Variants in DENND5A observed in about 807,000 individuals in gnomAD.
DENND5A encodes DENN domain-containing protein 5A.
In DENND5A, 64 loss-of-function variants were observed where a neutral mutation model predicts 140.3. The ratio of observed to expected loss-of-function variants is 0.46; its 90% CI spans 0.37 to 0.56. The LOEUF is 0.56. Ranked by LOEUF, DENND5A falls within the 20% of genes least tolerant of loss-of-function variation. The pLI, the probability that DENND5A is intolerant of heterozygous loss-of-function variation, is 0.00. For missense variants in DENND5A, 1,292 were observed against 1,593.8 expected (o/e 0.81, Z 3.22); for synonymous variants, 605 against 607.7 (o/e 1.00, Z 0.07).
Position 9,142,830 on chromosome 11 carries a change from G to C in DENND5A, c.3403C>G (p.Leu1135Val), listed in dbSNP as rs1590201898. The C allele has an allele frequency of 5.0e-6, 8 of 1,614,162 alleles. No homozygotes were observed. In the East Asian group the frequency reaches 1.8e-4, roughly 36 times the overall value. The change falls in exon 21 of 23, where the codon CTG (leucine) becomes GTG (valine). Residue 1135 changes from leucine to valine, a missense_variant. Physicochemically the swap from Leu to Val is conservative, Grantham distance 32. Coordinates refer to ENST00000328194, the MANE Select transcript of DENND5A (RefSeq NM_015213.4). ...KPEKERGSLT[L>V]LLCGECGLVS... ...AGGCCACACTCTCCACAGAGCAACA[G>C]CGTCAGACTGCCTCGCTACGTAAGG...
chr11:9,232,895 C>A (rs193039171), intron 1 of DENND5A, among the ~76,000 whole-genome samples: 1 of 152,134 alleles, frequency 6.6e-6, no homozygotes, highest in Non-Finnish European at 1.5e-5. Flanking sequence ...GCAGTGAGAA[C>A]GACCAACCTA....
chr11:9,149,839 C>T (rs1008911898), intron 15 of DENND5A, among the ~76,000 whole-genome samples: 1 of 152,202 alleles, frequency 6.6e-6, no homozygotes, highest in Non-Finnish European at 1.5e-5. Flanking sequence ...CTTCCCACTA[C>T]CTCTCCAAGA....
In DENND5A at chr11:9,147,537, A is replaced by C. The variant is rs368347939; in HGVS notation, c.2736-386T>G. 6.0e-4 allele frequency among the ~76,000 whole-genome samples: 92 copies of C among 152,236 alleles called. No individual in the cohort carries two copies. The South Asian group carries it at 0.017, about 29-fold the overall frequency. On this transcript the variant is annotated intron_variant, in intron 15 of 22. Transcript: ENST00000328194. ...TATGGTGTGTGAGTGGCAGTGGATGAAGGTCTGTGGTCACCATTCATCACC... is the reference window on the plus strand; with the variant it reads ...TATGGTGTGTGAGTGGCAGTGGATGCAGGTCTGTGGTCACCATTCATCACC...
At chr11:9,227,036 C>T (rs573574395) in intron 1 of DENND5A, among the ~76,000 whole-genome samples, 13 of 151,916 alleles carry the variant, frequency 8.6e-5, no homozygotes, top group Admixed American at 7.2e-4. Flanking sequence ...GGCATGGTAG[C>T]ACATGCCTGT....
chr11:9,139,805 T>C lies in DENND5A; in HGVS notation c.3730A>G (p.Thr1244Ala). 2 of 1,613,974 alleles carry C rather than the reference T, an allele frequency of 1.2e-6. No homozygotes were observed. Among genetic ancestry groups the C allele is most frequent in the Non-Finnish European group, 8.5e-7 (1 of 1,179,988 alleles). Residue 1244 changes from threonine to alanine, a missense_variant, in exon 23 of 23, where the codon ACT (threonine) becomes GCT (alanine). Thr to Ala is a moderately conservative substitution (Grantham distance 58). Coordinates refer to ENST00000328194, the MANE Select transcript of DENND5A (RefSeq NM_015213.4). ...GCCACATCCTCATACATGTGTGCAG[T>C]GATGGGGCAGTCAGCCAGCAGGGCA... Reference protein sequence around the residue: ...WIALLADCPITAHMYEDVALI... With the variant: ...WIALLADCPIAAHMYEDVALI...
At chr11:9,142,931 GT>G in intron 20 of DENND5A, 86 bp from the exon 21 acceptor site, 1 of 1,545,496 alleles carries the variant, frequency 6.5e-7, no homozygotes, top group Non-Finnish European at 8.8e-7. Flanking sequence ...ACAGCCCAGA[GT>G]TGGGAGGGCT....
At chr11:9,205,258 G>A (rs914830107) in intron 3 of DENND5A, among the ~76,000 whole-genome samples, 1 of 152,030 alleles carries the variant, frequency 6.6e-6, no homozygotes, top group Admixed American at 6.6e-5. Flanking sequence ...AAAGAAACTT[G>A]GATAGTTAAA....
chr11:9,260,352 G>C (rs1405010071), intron 1 of DENND5A, among the ~76,000 whole-genome samples: 1 of 152,198 alleles, frequency 6.6e-6, no homozygotes, highest in Non-Finnish European at 1.5e-5. Context: ...CCATTTCACA[G>C]TAAAACCTTC....
At chr11:9,188,057 T>G (rs1010649079) in intron 5 of DENND5A, among the ~76,000 whole-genome samples, 38 of 152,186 alleles carry the variant, frequency 2.5e-4, no homozygotes, top group Admixed American at 5.9e-4. Flanking sequence ...ATGGTTTGGC[T>G]GTGTCCCCAC....
intron 10 of DENND5A, among the ~76,000 whole-genome samples, chr11:9,167,382 C>G (rs376152906): frequency 6.6e-6 from 1 of 151,196 alleles, no homozygotes; most frequent in Admixed American, 6.6e-5. Context: ...ATTCTGCCCA[C>G]AGCCTCCTTT....
At chr11:9,150,590 G>T in intron 14 of DENND5A, 90 bp downstream of exon 14, 1 of 826,666 alleles carries the variant, frequency 1.2e-6, no homozygotes, top group Non-Finnish European at 2.0e-6. Flanking sequence ...TGCTGTAGCA[G>T]CCACTGAGAC....
chr11:9,147,288 G>A (rs1847464016), intron 15 of DENND5A, 137 bp from the exon 16 acceptor site: 1 of 869,046 alleles, frequency 1.2e-6, no homozygotes, highest in East Asian at 2.6e-5. Flanking sequence ...CCCTATAAAG[G>A]AACAAAGCTA....
intron 1 of DENND5A, among the ~76,000 whole-genome samples, chr11:9,213,969 T>C (rs1849986107): frequency 6.6e-6 from 1 of 152,106 alleles, no homozygotes; most frequent in Non-Finnish European, 1.5e-5. Flanking sequence ...AGTGATGAAA[T>C]TCTTTCCTCT....
At chr11:9,264,909 TC>T in intron 1 of DENND5A, 51 bp downstream of exon 1, 1 of 1,434,716 alleles carries the variant, frequency 7.0e-7, no homozygotes, top group Admixed American at 2.0e-5. Context: ...TCTTCTGGGG[TC>T]CCCGACGACA....
chr11:9,164,810 G>A (rs1231525773), intron 11 of DENND5A, among the ~76,000 whole-genome samples: 1 of 152,126 alleles, frequency 6.6e-6, no homozygotes, highest in African/African-American at 2.4e-5. Flanking sequence ...GTAAGTTAGA[G>A]TGAAGACTAG....
intron 1 of DENND5A, among the ~76,000 whole-genome samples, chr11:9,238,699 C>A (rs1851107700): frequency 6.6e-6 from 1 of 151,992 alleles, no homozygotes; most frequent in South Asian, 2.1e-4. Context: ...CAGGTGTGAG[C>A]CACTGTGCCC....
At chr11:9,263,848 C>CAAAAA (rs57967676) in intron 1 of DENND5A, among the ~76,000 whole-genome samples, 3 of 65,062 alleles carry the variant, frequency 4.6e-5, no homozygotes, top group African/African-American at 6.2e-5. Context: ...GACTCCGTCT[C>CAAAAA]AAAAAAAAAA....
At chr11:9,165,187 A>G (rs1029242381) in intron 11 of DENND5A, among the ~76,000 whole-genome samples, 1 of 151,872 alleles carries the variant, frequency 6.6e-6, no homozygotes, top group African/African-American at 2.4e-5. Flanking sequence ...TCTTTAGTAG[A>G]GACGGGGTTT....
chr11:9,243,087 C>CAA (rs539119487), intron 1 of DENND5A, among the ~76,000 whole-genome samples: 29,464 of 66,176 alleles, frequency 0.45, 7,281 homozygotes, highest in South Asian at 0.52. Context: ...GACTCTGTCT[C>CAA]AAAAAAAAAA....
Sources: gnomAD v4.1 joint callset for allele counts (sites outside exome capture counted in the v4.1 genomes callset) on GRCh38, gnomAD v4.1.1 for gene constraint, MANE v1.5 for transcripts, NCBI Gene and HGNC (gene_info 2026-07-23, HGNC 2026-07-21) for gene names.